CDK6: variants seen among roughly 807,000 people sequenced by gnomAD.
The protein encoded by CDK6 is cyclin-dependent kinase 6.
CDK6 carries 6 observed loss-of-function variants against 37.1 expected under a neutral mutation model. That is an observed-to-expected ratio of 0.16 (90% CI 0.09 to 0.32). The LOEUF (loss-of-function observed/expected upper bound fraction) is 0.32. Among genes scored for constraint, CDK6 ranks in the 10% least tolerant of loss-of-function variants. CDK6 has a pLI of 1.00. For missense variants in CDK6, 224 were observed against 418.9 expected, an observed-to-expected ratio of 0.53 and a Z score of 4.06; for synonymous variants, 160 against 161.3, an observed-to-expected ratio of 0.99 and a Z score of 0.06.
At position 92,774,813 on chromosome 7, in the gene CDK6, T is replaced by G. The variant is rs772860127; in HGVS notation, c.252A>C (p.Thr84=). The G allele has an allele frequency of 2.0e-5, 32 of 1,609,670 alleles. No homozygotes were observed. In the South Asian group the frequency reaches 3.6e-4, roughly 18 times the overall value. ...TGGTTTCTCTGTCTGTTCGTGACAC[T>G]GTGCACACATCAAACAACCTAGAAG... ...PNVVRLFDVC[T]VSRTDRETKL... Residue 84 remains threonine (T), a synonymous_variant, in exon 3 of 8, where the codon ACA becomes ACC. Coordinates refer to ENST00000424848, the MANE Select transcript of CDK6 (RefSeq NM_001145306.2).
intron 4 of CDK6, among the ~76,000 whole-genome samples, chr7:92,672,194 C>CAA (rs1250923688): frequency 3.0e-5 from 3 of 101,004 alleles, no homozygotes; most frequent in African/African-American, 1.2e-4. Context: ...GACACATACA[C>CAA]ACACACACAC....
intron 3 of CDK6, among the ~76,000 whole-genome samples, chr7:92,771,706 T>C (rs970776954): frequency 3.3e-5 from 5 of 152,198 alleles, no homozygotes; most frequent in Admixed American, 2.0e-4. Context: ...GAACCCTCCC[T>C]GCACAGAGTG....
intron 3 of CDK6, among the ~76,000 whole-genome samples, chr7:92,749,450 A>G (rs1469461287): frequency 6.6e-6 from 1 of 152,148 alleles, no homozygotes; most frequent in Non-Finnish European, 1.5e-5. Context: ...AGTAATGGAA[A>G]TGTCTCTGTC....
chr7:92,824,102 A>T (rs1219093262), intron 2 of CDK6, among the ~76,000 whole-genome samples: 1 of 151,898 alleles, frequency 6.6e-6, no homozygotes, highest in Non-Finnish European at 1.5e-5. Context: ...AACACCTACC[A>T]CAGAAATTAT....
Position 92,833,415 on chromosome 7 carries a change from C to G in CDK6, c.-92G>C. ...GCCGCCGCTCGCCTACTCCGGGGCT[C>G]CCCGGAGATCGGTCTAGCTTTACTT... On this transcript the variant is annotated 5_prime_UTR_variant, in exon 2 of 8. Transcript: ENST00000424848. The surrounding 1 kb of genome is among the most constrained non-coding windows in gnomAD (Gnocchi z 6.1). 3 of 864,056 alleles carry G rather than the reference C, an allele frequency of 3.5e-6. No individual in the cohort carries two copies. The highest frequency in any genetic ancestry group is 5.2e-6 in the Non-Finnish European group (3 of 577,732). 53.5% of individuals were successfully genotyped at this position (864,056 alleles called of 1,614,324 possible). A position where few individuals can be genotyped will look rare whatever the true frequency, so the allele number is the denominator to read the frequency against.
intron 2 of CDK6, among the ~76,000 whole-genome samples, chr7:92,795,007 C>A (rs1800373613): frequency 6.6e-6 from 1 of 152,078 alleles, no homozygotes; most frequent in Non-Finnish European, 1.5e-5. Context: ...TCCCATGGGA[C>A]CAGATTTATT....
intron 3 of CDK6, among the ~76,000 whole-genome samples, chr7:92,749,761 A>G (rs1430830254): frequency 6.6e-6 from 1 of 152,204 alleles, no homozygotes; most frequent in Non-Finnish European, 1.5e-5. Context: ...ATAAATGTTT[A>G]CCAAATTGAA....
chr7:92,662,970 T>C (rs148271126), intron 5 of CDK6, among the ~76,000 whole-genome samples: 9 of 152,134 alleles, frequency 5.9e-5, no homozygotes, highest in Admixed American at 1.3e-4. Flanking sequence ...GAGTAAAAGT[T>C]TGGGGAAGAA....
chr7:92,743,384 AAAAT>A (rs1424676570), intron 3 of CDK6, among the ~76,000 whole-genome samples: 2 of 151,096 alleles, frequency 1.3e-5, no homozygotes, highest in Non-Finnish European at 3.0e-5. Context: ...CTCAAAGAAA[AAAAT>A]AAATAAATAA....
chr7:92,713,792 T>C (rs912120479), intron 4 of CDK6, among the ~76,000 whole-genome samples: 2 of 152,126 alleles, frequency 1.3e-5, no homozygotes, highest in African/African-American at 4.8e-5. Context: ...CAGAATATCT[T>C]CTAAATATAA....
chr7:92,693,147 C>G (rs1023610541), intron 4 of CDK6, among the ~76,000 whole-genome samples: 5 of 152,198 alleles, frequency 3.3e-5, no homozygotes, highest in African/African-American at 1.2e-4. Flanking sequence ...GGCCCAAACT[C>G]TCTTTTTTGC....
At chr7:92,778,946 T>TATATATATATATATATATATATAAATAA (rs1479181745) in intron 2 of CDK6, among the ~76,000 whole-genome samples, 1 of 135,012 alleles carries the variant, frequency 7.4e-6, no homozygotes, top group African/African-American at 3.0e-5. Flanking sequence ...TATATATATA[T>TATATATATATATATATATATATAAATAA]AAGATATTAT....
intron 2 of CDK6, among the ~76,000 whole-genome samples, chr7:92,832,195 A>G (rs1437168959): frequency 1.3e-5 from 2 of 152,238 alleles, no homozygotes; most frequent in Non-Finnish European, 2.9e-5. Flanking sequence ...TGTCAACCAC[A>G]CAATGGGGAA....
chr7:92,788,251 T>C (rs2115843782), intron 2 of CDK6, among the ~76,000 whole-genome samples: 1 of 152,318 alleles, frequency 6.6e-6, no homozygotes, highest in Non-Finnish European at 1.5e-5. Flanking sequence ...AAATGTTTCA[T>C]GGTGTTAACG....
chr7:92,712,984 C>A (rs964155413), intron 4 of CDK6, among the ~76,000 whole-genome samples: 7 of 152,078 alleles, frequency 4.6e-5, no homozygotes, highest in African/African-American at 1.7e-4. Flanking sequence ...CTGCCCCAGC[C>A]TGTAGCTGGG....
At chr7:92,626,600 A>G (rs1177837516) in intron 5 of CDK6, among the ~76,000 whole-genome samples, 3 of 152,136 alleles carry the variant, frequency 2.0e-5, no homozygotes, top group African/African-American at 4.8e-5. Flanking sequence ...TACTGAGTCA[A>G]TAAGAAGGGA....
intron 3 of CDK6, among the ~76,000 whole-genome samples, chr7:92,744,857 C>T (rs574488044): frequency 6.6e-6 from 1 of 152,240 alleles, no homozygotes; most frequent in African/African-American, 2.4e-5. Context: ...AGTGTATAGT[C>T]ATCTTCCTTT....
At chr7:92,818,169 A>T (rs1207787973) in intron 2 of CDK6, among the ~76,000 whole-genome samples, 1 of 152,016 alleles carries the variant, frequency 6.6e-6, no homozygotes, top group Non-Finnish European at 1.5e-5. Flanking sequence ...AAACAAGAAC[A>T]AAGCTGGAAA....
intron 2 of CDK6, among the ~76,000 whole-genome samples, chr7:92,815,725 T>G (rs933970149): frequency 6.6e-6 from 1 of 152,104 alleles, no homozygotes; most frequent in Non-Finnish European, 1.5e-5. Context: ...TGGCTAAAAT[T>G]TGGAAGACAC....
Sources: gnomAD v4.1 joint callset for allele counts (sites outside exome capture counted in the v4.1 genomes callset) on GRCh38, gnomAD v4.1.1 for gene constraint, Gnocchi (gnomAD v3.1) non-coding constraint, MANE v1.5 for transcripts, NCBI Gene and HGNC (gene_info 2026-07-23, HGNC 2026-07-21) for gene names.